Variants in ASTN2 observed in about 807,000 individuals in gnomAD.
ASTN2 encodes the protein astrotactin 2.
In ASTN2, 54 loss-of-function variants were observed where a neutral mutation model predicts 139.8. That is an observed-to-expected ratio of 0.39 (90% CI 0.31 to 0.48). The LOEUF is 0.48. ASTN2 is among the 20% of genes least tolerant of loss of function. ASTN2 has a pLI of 0.95. For missense variants in ASTN2, 1,565 were observed against 1,725.1 expected, an observed-to-expected ratio of 0.91 and a Z score of 1.64; for synonymous variants, 756 against 719.5, an observed-to-expected ratio of 1.05 and a Z score of -0.81.
intron 5 of ASTN2, among the ~76,000 whole-genome samples, chr9:117,091,551 T>C (rs929009013): frequency 6.6e-6 from 1 of 151,580 alleles, no homozygotes; most frequent in African/African-American, 2.4e-5. Flanking sequence ...AATATGCCAT[T>C]TAAGTGGAGG....
Position 116,485,483 on chromosome 9 carries a change from C to T in ASTN2, c.3497+1876G>A, listed in dbSNP as rs1849308779. Among the ~76,000 whole-genome samples, 4 of 152,228 alleles carry T rather than the reference C, an allele frequency of 2.6e-5. No individual in the cohort carries two copies. The South Asian group carries it at 8.3e-4, about 32-fold the overall frequency. On this transcript the variant is annotated intron_variant, in intron 20 of 22. Coordinates refer to ENST00000313400, the MANE Select transcript of ASTN2 (RefSeq NM_001365068.1). ...GACTTAATCGCTCTTAATGTAGTCA[C>T]ATACTTGTGTTTCACCTCACACATG...
At chr9:117,182,141 C>T (rs1304509621) in intron 3 of ASTN2, among the ~76,000 whole-genome samples, 1 of 152,062 alleles carries the variant, frequency 6.6e-6, no homozygotes. Context: ...TGGGCTCTCT[C>T]TCCCCTGCCC....
intron 5 of ASTN2, among the ~76,000 whole-genome samples, chr9:117,066,948 T>C (rs1381938692): frequency 8.8e-6 from 1 of 114,006 alleles, no homozygotes; most frequent in East Asian, 2.5e-4. Flanking sequence ...TTCTCCCATT[T>C]TGTAGGTTGC....
At chr9:117,289,934 G>A (rs752499247) in intron 2 of ASTN2, among the ~76,000 whole-genome samples, 20 of 152,186 alleles carry the variant, frequency 1.3e-4, no homozygotes, top group Non-Finnish European at 2.6e-4. Context: ...TTTCCAAAAA[G>A]AGAAAACTTC....
chr9:116,539,129 T>C (rs1443389789), intron 19 of ASTN2, among the ~76,000 whole-genome samples: 4 of 152,178 alleles, frequency 2.6e-5, no homozygotes, highest in African/African-American at 9.7e-5. Flanking sequence ...TATGAAATGT[T>C]CAGAGTAGGC....
rs147198425 is a variant in ASTN2, at chr9:116,759,722, A to G, written c.2397-26199T>C. Among the ~76,000 whole-genome samples, 981 of 152,098 alleles carry G rather than the reference A, an allele frequency of 6.4e-3. 63 individuals are homozygous for G. The South Asian group carries it at 0.16, about 25-fold the overall frequency. On this transcript the variant is annotated intron_variant, in intron 13 of 22. Coordinates refer to ENST00000313400, the MANE Select transcript of ASTN2 (RefSeq NM_001365068.1). ...ATCCTTCTTTATTTTTCTTTATATCACTTATAACCACTGGAAATACATGTT... is the reference window on the plus strand; with the variant it reads ...ATCCTTCTTTATTTTTCTTTATATCGCTTATAACCACTGGAAATACATGTT...
chr9:117,111,127 A>G (rs1829238662), intron 4 of ASTN2, among the ~76,000 whole-genome samples: 1 of 152,236 alleles, frequency 6.6e-6, no homozygotes, highest in African/African-American at 2.4e-5. Flanking sequence ...AAGAAAAATA[A>G]CAAAACCCAA....
At chr9:117,165,418 T>TG (rs1487997561) in intron 3 of ASTN2, among the ~76,000 whole-genome samples, 1 of 152,102 alleles carries the variant, frequency 6.6e-6, no homozygotes, top group Non-Finnish European at 1.5e-5. Flanking sequence ...GTTCAAGGGC[T>TG]GGGCTCCTTT....
At chr9:116,485,559 T>C (rs1849311316) in intron 20 of ASTN2, among the ~76,000 whole-genome samples, 1 of 152,188 alleles carries the variant, frequency 6.6e-6, no homozygotes, top group Non-Finnish European at 1.5e-5. Flanking sequence ...CTTAAGAGTG[T>C]GTAGAGTTGT....
intron 19 of ASTN2, among the ~76,000 whole-genome samples, chr9:116,513,493 C>T (rs1850497506): frequency 6.7e-6 from 1 of 149,626 alleles, no homozygotes; most frequent in Non-Finnish European, 1.5e-5. Flanking sequence ...AGTTGCTCTT[C>T]TCAAGGAGTT....
chr9:116,710,535 C>T (rs1828123225), intron 16 of ASTN2, among the ~76,000 whole-genome samples: 1 of 151,602 alleles, frequency 6.6e-6, no homozygotes, highest in Non-Finnish European at 1.5e-5. Context: ...GGTTTGAGAC[C>T]AGCCTGACCA....
At chr9:117,094,223 A>AGAGGG (rs1828784956) in intron 5 of ASTN2, among the ~76,000 whole-genome samples, 1 of 143,172 alleles carries the variant, frequency 7.0e-6, no homozygotes, top group South Asian at 2.3e-4. Flanking sequence ...AGAGGAAAGG[A>AGAGGG]AAGAGGGAAG....
At chr9:117,141,589 C>G in intron 3 of ASTN2, 111 bp from the exon 4 acceptor site, 4 of 970,204 alleles carry the variant, frequency 4.1e-6, no homozygotes, top group Non-Finnish European at 5.5e-6. Context: ...GAGCACTAGA[C>G]CTGGCCACCC....
At chr9:117,013,467 AAT>A (rs3038366) in intron 6 of ASTN2, among the ~76,000 whole-genome samples, 4,531 of 115,486 alleles carry the variant, frequency 0.039, 89 homozygotes, top group Non-Finnish European at 0.046. Flanking sequence ...CTTATTTTTA[AAT>A]ATATATATAT....
intron 16 of ASTN2, among the ~76,000 whole-genome samples, chr9:116,685,927 T>C (rs1860177328): frequency 1.3e-5 from 2 of 152,024 alleles, no homozygotes; most frequent in South Asian, 4.1e-4. Flanking sequence ...TGAACAGTCC[T>C]AAATTTATAC....
intron 19 of ASTN2, among the ~76,000 whole-genome samples, chr9:116,615,140 G>T (rs1855773625): frequency 6.6e-6 from 1 of 152,136 alleles, no homozygotes; most frequent in Admixed American, 6.5e-5. Context: ...ATCATCACTG[G>T]CCATCAGAGA....
chr9:116,754,091 C>T (rs1014518782), intron 13 of ASTN2, among the ~76,000 whole-genome samples: 6 of 148,988 alleles, frequency 4.0e-5, no homozygotes, highest in South Asian at 4.3e-4. Context: ...GTTAATTTGC[C>T]GAGAATAATG....
rs148828493 is a variant in ASTN2 at position 116,455,049 on chromosome 9, A to T, written c.3498-12496T>A. Among the ~76,000 whole-genome samples, 396 of 152,232 alleles carry T rather than the reference A, an allele frequency of 2.6e-3. 3 individuals carry two copies. The highest frequency in any genetic ancestry group is 9.1e-3 in the African/African-American group (378 of 41,540). On this transcript the variant is annotated intron_variant, in intron 20 of 22. Coordinates refer to ENST00000313400, the MANE Select transcript of ASTN2 (RefSeq NM_001365068.1). ...AATTAAAGTATAATAATAAAAAAAA[A>T]AAAGGTTTATGGTAGGAGGCTGGAC... is the stretch of plus-strand genomic sequence containing the variant.
In ASTN2 at chr9:117,142,878, G is replaced by C. The variant is rs533698061; in HGVS notation, c.1016-1400C>G. Reference sequence around the variant, plus strand: ...CCCTCCCTCCATCTGTGTCTCCAGAGGCTGGGAAATTTCTTCTTCAGTTTG... The same window carrying C: ...CCCTCCCTCCATCTGTGTCTCCAGACGCTGGGAAATTTCTTCTTCAGTTTG... On this transcript the variant is annotated intron_variant, in intron 3 of 22. Transcript: ENST00000313400. 4.6e-5 allele frequency among the ~76,000 whole-genome samples: 7 copies of C among 152,278 alleles called. No individual in the cohort carries two copies. The South Asian group carries it at 1.5e-3, about 32-fold the overall frequency.
Sources: gnomAD v4.1 joint callset for allele counts (sites outside exome capture counted in the v4.1 genomes callset) on GRCh38, gnomAD v4.1.1 for gene constraint, MANE v1.5 for transcripts, NCBI Gene and HGNC (gene_info 2026-07-23, HGNC 2026-07-21) for gene names.